Variants in SGK3 observed in about 807,000 individuals in gnomAD.
The protein encoded by SGK3 is serine/threonine-protein kinase Sgk3.
Under a neutral mutation model 68.5 loss-of-function variants are expected in SGK3, and 47 were observed. The observed-to-expected ratio is 0.69, with a 90% CI of 0.54 to 0.87. SGK3 has a LOEUF of 0.87. Ranked by LOEUF, SGK3 falls within the 40% of genes least tolerant of loss-of-function variation. The pLI is 0.00. For missense variants in SGK3, 479 were observed against 575.5 expected, an observed-to-expected ratio of 0.83 and a Z score of 1.72; for synonymous variants, 181 against 189.1, an observed-to-expected ratio of 0.96 and a Z score of 0.35.
intron 1 of SGK3, among the ~76,000 whole-genome samples, chr8:66,740,906 C>CA (rs899256897): frequency 0.094 from 3,894 of 41,230 alleles, 252 homozygotes; most frequent in African/African-American, 0.18. Context: ...GACTCTGTCT[C>CA]AAAAAAAAAA....
At chr8:66,793,529 G>A (rs1423252515) in intron 1 of SGK3, 87 bp from the exon 2 acceptor site, 3 of 426,694 alleles carry the variant, frequency 7.0e-6, no homozygotes, top group Admixed American at 3.8e-5. Flanking sequence ...CAGAATAAAC[G>A]AAAATTAGTC....
chr8:66,752,007 C>G (rs552284888), intron 1 of SGK3, among the ~76,000 whole-genome samples: 1 of 152,074 alleles, frequency 6.6e-6, no homozygotes, highest in Non-Finnish European at 1.5e-5. Context: ...TCAGGTGATT[C>G]GCCCACCTCG....
intron 1 of SGK3, among the ~76,000 whole-genome samples, chr8:66,762,853 G>A (rs1806215252): frequency 6.6e-6 from 1 of 152,182 alleles, no homozygotes; most frequent in South Asian, 2.1e-4. Flanking sequence ...CATTTGACAT[G>A]TACTTCTGAC....
intron 16 of SGK3, among the ~76,000 whole-genome samples, chr8:66,857,788 AGTGTGTGTGTAT>A (rs1488859079): frequency 0.016 from 1,891 of 115,474 alleles, 13 homozygotes; most frequent in Middle Eastern, 0.048. Context: ...GTCTCAAAAA[AGTGTGTGTGTAT>A]GTGTGTGTGT....
chr8:66,751,778 ATTTT>A (rs1383728324), intron 1 of SGK3, among the ~76,000 whole-genome samples: 1 of 151,328 alleles, frequency 6.6e-6, no homozygotes, highest in Non-Finnish European at 1.5e-5. Context: ...TTATTTATTT[ATTTT>A]GAGACAGAGC....
At chr8:66,749,234 C>A (rs2130425769) in intron 1 of SGK3, among the ~76,000 whole-genome samples, 1 of 152,164 alleles carries the variant, frequency 6.6e-6, no homozygotes, top group Admixed American at 6.5e-5. Flanking sequence ...TTATTTTTGG[C>A]TGGGTGCGGT....
chr8:66,831,216 T>C (rs888063247), intron 7 of SGK3, 38 bp from the exon 8 acceptor site: 13 of 1,605,858 alleles, frequency 8.1e-6, no homozygotes, highest in Non-Finnish European at 1.0e-5. Context: ...ATATTTCCAA[T>C]TTCTAGGAGG....
chr8:66,745,599 A>AAAC (rs10700096), intron 1 of SGK3, among the ~76,000 whole-genome samples: 13,473 of 151,532 alleles, frequency 0.089, 908 homozygotes, highest in African/African-American at 0.19. Context: ...CAAAACAAAA[A>AAAC]AACAACAAAA....
chr8:66,730,544 C>G (rs952830902), intron 1 of SGK3, among the ~76,000 whole-genome samples: 1 of 152,094 alleles, frequency 6.6e-6, no homozygotes, highest in African/African-American at 2.4e-5. Flanking sequence ...GAAATTTACT[C>G]CTATGCTGTC....
At chr8:66,803,574 T>C (rs1055916092) in intron 3 of SGK3, among the ~76,000 whole-genome samples, 1 of 152,180 alleles carries the variant, frequency 6.6e-6, no homozygotes, top group African/African-American at 2.4e-5. Flanking sequence ...TTTTTATGAC[T>C]TAACTGCCCC....
intron 1 of SGK3, among the ~76,000 whole-genome samples, chr8:66,788,874 A>G (rs1457135118): frequency 2.0e-5 from 3 of 152,292 alleles, no homozygotes; most frequent in Admixed American, 6.5e-5. Context: ...CACCAGGTCC[A>G]GTTAAGATAA....
intron 3 of SGK3, 84 bp from the exon 4 acceptor site, chr8:66,804,291 A>G: frequency 8.4e-7 from 1 of 1,184,158 alleles, no homozygotes; most frequent in Non-Finnish European, 1.2e-6. Flanking sequence ...TTTCTTTAAA[A>G]TAAGATTGTA....
At chr8:66,788,646 A>C (rs1337737679) in intron 1 of SGK3, among the ~76,000 whole-genome samples, 1 of 152,156 alleles carries the variant, frequency 6.6e-6, no homozygotes, top group African/African-American at 2.4e-5. Context: ...CAGCATATCC[A>C]AGTATTGAAA....
chr8:66,854,327 C>T (rs1810412011), intron 16 of SGK3, among the ~76,000 whole-genome samples: 1 of 152,164 alleles, frequency 6.6e-6, no homozygotes, highest in Non-Finnish European at 1.5e-5. Context: ...GGCTCACCAA[C>T]ATTTCAAATT....
At position 66,782,001 on chromosome 8, in the gene SGK3, A is replaced by C. The variant is rs1402598118; in HGVS notation, c.-121-11615A>C. On this transcript the variant is annotated intron_variant, in intron 1 of 16. Transcript: ENST00000521198. ...CATTGGCAGAGCCTGTTTTGTTTTA[A>C]AATCTGTTCTGCAGTGAATTTAATT... Among the ~76,000 whole-genome samples, 3 of 152,200 alleles carry C rather than the reference A, an allele frequency of 2.0e-5. No individual in the cohort carries two copies. The East Asian group carries it at 5.8e-4, about 29-fold the overall frequency.
intron 15 of SGK3, among the ~76,000 whole-genome samples, chr8:66,847,723 T>C (rs1810092131): frequency 6.6e-6 from 1 of 152,200 alleles, no homozygotes; most frequent in Non-Finnish European, 1.5e-5. Flanking sequence ...CATGAACTAA[T>C]AACACAGAGA....
chr8:66,775,380 T>G (rs1246986541), intron 1 of SGK3: 1 of 152,318 alleles, frequency 6.6e-6, no homozygotes, highest in Non-Finnish European at 1.5e-5. Context: ...GCCCCGGCAC[T>G]GCGCGGGCCA....
chr8:66,849,334 C>T (rs1428071674), intron 15 of SGK3, among the ~76,000 whole-genome samples: 1 of 152,164 alleles, frequency 6.6e-6, no homozygotes, highest in Non-Finnish European at 1.5e-5. Flanking sequence ...CATCACTGTC[C>T]ATGTGGCTAT....
chr8:66,739,147 T>G lies in SGK3; in HGVS notation c.-122+26314T>G, dbSNP rs541959601. ...AAAAGAGAAACCTCTTTATTTGATT[T>G]GGCCCATTGTTCTGAAGGCTGGGAA... On this transcript the variant is annotated intron_variant, in intron 1 of 16. Transcript: ENST00000521198. Among the ~76,000 whole-genome samples, 3 of 152,308 alleles carry G rather than the reference T, an allele frequency of 2.0e-5. 1 individual carries two copies. The South Asian group carries it at 6.2e-4, about 32-fold the overall frequency.
Sources: gnomAD v4.1 joint callset for allele counts (sites outside exome capture counted in the v4.1 genomes callset) on GRCh38, gnomAD v4.1.1 for gene constraint, MANE v1.5 for transcripts, NCBI Gene and HGNC (gene_info 2026-07-23, HGNC 2026-07-21) for gene names.